Variants in SYT16 observed in about 807,000 individuals in gnomAD.
SYT16 encodes synaptotagmin 16.
Under a neutral mutation model 61.4 loss-of-function variants are expected in SYT16, and 42 were observed. That is an observed-to-expected ratio of 0.68 (90% CI 0.53 to 0.89). The LOEUF is 0.89. Among genes scored for constraint, SYT16 ranks in the 40% least tolerant of loss-of-function variants. The pLI is 0.00. For missense variants in SYT16, 804 were observed against 807.3 expected, an observed-to-expected ratio of 1.00 and a Z score of 0.05; for synonymous variants, 314 against 302.3, an observed-to-expected ratio of 1.04 and a Z score of -0.40.
chr14:61,901,606 CCCATGCATT>C (rs1321650215), intron 1 of SYT16, among the ~76,000 whole-genome samples: 1 of 151,982 alleles, frequency 6.6e-6, no homozygotes, highest in African/African-American at 2.4e-5. Context: ...CCCCTGTATC[CCCATGCATT>C]AGTTGAGCCT....
At chr14:61,859,880 AG>A (rs1053990945) in intron 1 of SYT16, among the ~76,000 whole-genome samples, 3 of 152,202 alleles carry the variant, frequency 2.0e-5, no homozygotes, top group Non-Finnish European at 4.4e-5. Context: ...TAAGGTTCTA[AG>A]GTTGAAATAA....
At position 62,109,620 on chromosome 14, in the gene SYT16, CCTAT is replaced by C. The variant is rs764501486; in HGVS notation, c.*8918_*8921del. 3 of 151,804 alleles carry C rather than the reference CCTAT, an allele frequency of 2.0e-5. No individual in the cohort carries two copies. The highest frequency in any genetic ancestry group is 4.4e-5 in the Non-Finnish European group (3 of 67,948). 9.4% of individuals were successfully genotyped at this position (151,804 alleles called of 1,614,324 possible). A position where few individuals can be genotyped will look rare whatever the true frequency, so the allele number is the denominator to read the frequency against. ...ATAATAATTTCATAATTTATATTAC[CCTAT>C]CTATGAGTTTTTCCCTCCATTGGAA... On this transcript the variant is annotated 3_prime_UTR_variant, in exon 8 of 8. Coordinates refer to ENST00000683842, the MANE Select transcript of SYT16 (RefSeq NM_001367656.1).
intron 5 of SYT16, among the ~76,000 whole-genome samples, chr14:62,078,744 C>T (rs59559337): frequency 0.31 from 47,780 of 152,116 alleles, 8,505 homozygotes; most frequent in African/African-American, 0.49. Context: ...AAGTAGACTT[C>T]ACATATATTG....
chr14:61,813,695 G>A (rs1189596200), intron 1 of SYT16, among the ~76,000 whole-genome samples: 1 of 152,116 alleles, frequency 6.6e-6, no homozygotes, highest in Non-Finnish European at 1.5e-5. Context: ...GAGCCCAGGA[G>A]TGCGAGGCTG....
chr14:61,880,039 G>A (rs2047642104), intron 1 of SYT16, among the ~76,000 whole-genome samples: 1 of 152,180 alleles, frequency 6.6e-6, no homozygotes, highest in African/African-American at 2.4e-5. Context: ...CCCCACTCAT[G>A]TCTTTATTTG....
At chr14:61,940,399 T>C (rs1327830913) in intron 1 of SYT16, among the ~76,000 whole-genome samples, 1 of 152,102 alleles carries the variant, frequency 6.6e-6, no homozygotes. Context: ...CATTCTAGCT[T>C]CAAATAAACA....
At chr14:62,032,632 T>G (rs1377265951) in intron 3 of SYT16, among the ~76,000 whole-genome samples, 1 of 151,954 alleles carries the variant, frequency 6.6e-6, no homozygotes, top group Non-Finnish European at 1.5e-5. Flanking sequence ...TCCTAATTAG[T>G]TTTGCAAGCA....
At position 62,105,929 on chromosome 14, in the gene SYT16, G is replaced by T. The variant is rs780156922; in HGVS notation, c.*5222G>T. 1.3e-5 allele frequency: 2 copies of T among 152,138 alleles called. No homozygotes were observed. The highest frequency in any genetic ancestry group is 2.9e-5 in the Non-Finnish European group (2 of 68,034). The allele number at this position is 152,138 out of a possible 1,614,324, so 9.4% of individuals were successfully genotyped here. ...ACATTGGAGAATCACTTAGCTTAGG[G>T]CTTTTAGTAGGGAATAATTAAACAT... is the stretch of plus-strand genomic sequence containing the variant. On this transcript the variant is annotated 3_prime_UTR_variant, in exon 8 of 8. Coordinates refer to ENST00000683842, the MANE Select transcript of SYT16 (RefSeq NM_001367656.1).
rs1288392973 is a variant in SYT16, at chr14:61,996,093, A to G, written c.74A>G (p.Tyr25Cys). ...TTCTCTTCCTGGATATCTCGGGTTT[A>G]TGAAGCTCTCCAGCAAGCAGGAGAT... Reference protein sequence around the residue: ...QPFSSWISRVYEALQQAGDML... With the variant: ...QPFSSWISRVCEALQQAGDML... Residue 25 changes from tyrosine (Y) to cysteine (C), a missense_variant, in exon 3 of 8, where the codon TAT becomes TGT. Coordinates refer to ENST00000683842, the MANE Select transcript of SYT16 (RefSeq NM_001367656.1). The G allele has an allele frequency of 3.7e-6, 6 of 1,612,752 alleles. No individual in the cohort carries two copies. The highest frequency in any genetic ancestry group is 5.1e-6 in the Non-Finnish European group (6 of 1,179,348).
chr14:62,093,298 C>T (rs1013735907), intron 7 of SYT16, among the ~76,000 whole-genome samples: 1 of 151,714 alleles, frequency 6.6e-6, no homozygotes, highest in Non-Finnish European at 1.5e-5. Flanking sequence ...CAATAGAAAG[C>T]AGAGAAAATA....
chr14:62,043,744 A>G (rs117323093), intron 3 of SYT16, among the ~76,000 whole-genome samples: 3,641 of 151,638 alleles, frequency 0.024, 68 homozygotes, highest in Non-Finnish European at 0.034. Flanking sequence ...TTCCACATCT[A>G]TTGAGATGAT....
At chr14:62,067,813 A>G (rs2056123405) in intron 3 of SYT16, among the ~76,000 whole-genome samples, 1 of 152,000 alleles carries the variant, frequency 6.6e-6, no homozygotes, top group Non-Finnish European at 1.5e-5. Flanking sequence ...ACAAACAAAC[A>G]AACAAACAAA....
chr14:62,084,409 G>A (rs1471945329), intron 7 of SYT16, 24 bp downstream of exon 7: 3 of 1,595,228 alleles, frequency 1.9e-6, no homozygotes, highest in Non-Finnish European at 2.6e-6. Context: ...TGTTCTCCCA[G>A]CTCTGGTTCT....
chr14:62,009,002 C>A (rs2053337505), intron 3 of SYT16, among the ~76,000 whole-genome samples: 1 of 152,142 alleles, frequency 6.6e-6, no homozygotes, highest in Admixed American at 6.5e-5. Flanking sequence ...ACACCTCCTT[C>A]TTAAAGTAGG....
In SYT16 at chr14:62,101,784, T is replaced by C. The variant is rs570752079; in HGVS notation, c.*1077T>C. On this transcript the variant is annotated 3_prime_UTR_variant, in exon 8 of 8. Coordinates refer to ENST00000683842, the MANE Select transcript of SYT16 (RefSeq NM_001367656.1). The stretch of plus-strand genomic sequence containing the variant: ...GTGTGGAATGACATTAAGTTTTTCT[T>C]TGAGCATTTGAAGTGCCTATAACTG... 13 of 152,346 alleles carry C rather than the reference T, an allele frequency of 8.5e-5. No individual in the cohort carries two copies. The highest frequency in any genetic ancestry group is 1.3e-4 in the Non-Finnish European group (9 of 68,026). 9.4% of individuals were successfully genotyped at this position (152,346 alleles called of 1,614,324 possible).
chr14:61,940,254 T>G (rs1014176744), intron 1 of SYT16, among the ~76,000 whole-genome samples: 3 of 152,046 alleles, frequency 2.0e-5, no homozygotes, highest in African/African-American at 7.2e-5. Context: ...TTTTTTTTTC[T>G]GTTTCCATCT....
At chr14:62,062,175 A>G (rs2055855639) in intron 3 of SYT16, among the ~76,000 whole-genome samples, 1 of 152,172 alleles carries the variant, frequency 6.6e-6, no homozygotes, top group Admixed American at 6.5e-5. Flanking sequence ...ATCTCATACA[A>G]GGTTTGGGTG....
At chr14:62,089,130 C>T (rs1219754187) in intron 7 of SYT16, among the ~76,000 whole-genome samples, 1 of 151,788 alleles carries the variant, frequency 6.6e-6, no homozygotes, top group Non-Finnish European at 1.5e-5. Flanking sequence ...CCAGCCTGGT[C>T]AAAATGGTGA....
intron 1 of SYT16, among the ~76,000 whole-genome samples, chr14:61,881,069 G>A (rs1286773731): frequency 6.6e-6 from 1 of 152,016 alleles, no homozygotes; most frequent in Non-Finnish European, 1.5e-5. Flanking sequence ...CCCCCCTGGT[G>A]CTCTCTTCCA....
Sources: allele counts gnomAD v4.1 joint callset (sites outside exome capture counted in the v4.1 genomes callset), GRCh38; gene constraint gnomAD v4.1.1; transcripts MANE v1.5; gene names NCBI Gene and HGNC (gene_info 2026-07-23, HGNC 2026-07-21).